RBMS3: variants seen among roughly 807,000 people sequenced by gnomAD.
The protein encoded by RBMS3 is RNA binding motif single stranded interacting protein 3, also known as RNA-binding motif, single-stranded-interacting protein 3.
Under a neutral mutation model 66.8 loss-of-function variants are expected in RBMS3, and 27 were observed. The ratio of observed to expected loss-of-function variants is 0.40; its 90% confidence interval spans 0.30 to 0.56. The LOEUF (loss-of-function observed/expected upper bound fraction) is 0.56. Ranked by LOEUF, RBMS3 falls within the 20% of genes least tolerant of loss-of-function variation. The pLI is 0.40. For synonymous variants in RBMS3, 188 were observed against 183.0 expected (o/e 1.03, Z -0.22); for missense variants, 513 against 549.5 (o/e 0.93, Z 0.66).
chr3:29,362,175 G>A (rs1273539239), intron 1 of RBMS3, among the ~76,000 whole-genome samples: 2 of 152,156 alleles, frequency 1.3e-5, no homozygotes, highest in African/African-American at 4.8e-5. Flanking sequence ...CCATCTTTGT[G>A]GTTTTATCTA....
At chr3:29,988,074 T>C (rs1698552860) in intron 12 of RBMS3, 69 bp from the exon 13 acceptor site, 2 of 1,255,808 alleles carry the variant, frequency 1.6e-6, no homozygotes, top group Non-Finnish European at 2.3e-6. Context: ...CAGTCTCCTG[T>C]GGTATTTAAT....
At chr3:29,621,869 A>T (rs1481264451) in intron 4 of RBMS3, among the ~76,000 whole-genome samples, 1 of 152,198 alleles carries the variant, frequency 6.6e-6, no homozygotes, top group Non-Finnish European at 1.5e-5. Flanking sequence ...CACTTTATGG[A>T]ATTAGCTCCA....
intron 1 of RBMS3, among the ~76,000 whole-genome samples, chr3:29,362,954 A>C (rs527737960): frequency 1.5e-4 from 23 of 152,330 alleles, no homozygotes; most frequent in Non-Finnish European, 2.4e-4. Flanking sequence ...ACAAATACAT[A>C]AATAGATGAT....
chr3:29,820,939 C>T (rs1171867889), intron 6 of RBMS3, among the ~76,000 whole-genome samples: 2 of 152,136 alleles, frequency 1.3e-5, no homozygotes, highest in East Asian at 3.9e-4. Flanking sequence ...ACCAACCTTG[C>T]TCCAGTTTCC....
intron 4 of RBMS3, among the ~76,000 whole-genome samples, chr3:29,617,290 T>A (rs1358358699): frequency 6.6e-6 from 1 of 152,214 alleles, no homozygotes; most frequent in Admixed American, 6.5e-5. Flanking sequence ...AAGATGATAT[T>A]GATATTGCAG....
At chr3:29,426,090 G>A (rs1294622610) in intron 1 of RBMS3, among the ~76,000 whole-genome samples, 1 of 152,144 alleles carries the variant, frequency 6.6e-6, no homozygotes, top group Non-Finnish European at 1.5e-5. Context: ...CAATATTGGA[G>A]TCCTAGCATT....
At chr3:29,634,943 G>GCTCTAACTAGAAGCATTCTGCAGAAGTA (rs2049421564) in intron 4 of RBMS3, among the ~76,000 whole-genome samples, 1 of 151,828 alleles carries the variant, frequency 6.6e-6, no homozygotes, top group Admixed American at 6.6e-5. Flanking sequence ...CCACAGAAGT[G>GCTCTAACTAGAAGCATTCTGCAGAAGTA]CTCTAACTAG....
chr3:29,385,004 C>G (rs561010047), intron 1 of RBMS3, among the ~76,000 whole-genome samples: 1 of 152,094 alleles, frequency 6.6e-6, no homozygotes, highest in South Asian at 2.1e-4. Flanking sequence ...TGTTGCCGAA[C>G]AAACCTCCTC....
chr3:29,612,149 T>C (rs1204336004), intron 4 of RBMS3, among the ~76,000 whole-genome samples: 1 of 152,078 alleles, frequency 6.6e-6, no homozygotes, highest in Non-Finnish European at 1.5e-5. Context: ...CGACCAAAGT[T>C]AACTATTGAT....
chr3:29,754,020 C>T (rs574276937), intron 5 of RBMS3, among the ~76,000 whole-genome samples: 21 of 151,768 alleles, frequency 1.4e-4, no homozygotes, highest in African/African-American at 5.1e-4. Flanking sequence ...TGCAGTGGCA[C>T]GATTTTGGCT....
intron 1 of RBMS3, among the ~76,000 whole-genome samples, chr3:29,354,340 G>A (rs1575599937): frequency 6.6e-6 from 1 of 151,966 alleles, no homozygotes; most frequent in East Asian, 1.9e-4. Flanking sequence ...TGCCATAATA[G>A]ACTTTTGTTC....
At chr3:29,837,631 GATATATATAATGAACAT>G (rs1559723784) in intron 6 of RBMS3, among the ~76,000 whole-genome samples, 13 of 115,730 alleles carry the variant, frequency 1.1e-4, no homozygotes, top group South Asian at 2.8e-4. Flanking sequence ...CAAATTAGCA[GATATATATAATGAACAT>G]ATATATATAA....
At chr3:29,798,929 G>GTT (rs368923260) in intron 6 of RBMS3, among the ~76,000 whole-genome samples, 7,742 of 127,602 alleles carry the variant, frequency 0.061, 547 homozygotes, top group African/African-American at 0.16. Flanking sequence ...GTACCCTCTG[G>GTT]TTTTTTTTTT....
In RBMS3 at chr3:29,336,789, A is replaced by T. The variant is rs553347637; in HGVS notation, c.75+55033A>T. ...GTAAATTGGTTAAACATTCCAACCC[A>T]GGCCTGACACTGCCTGCTTTGCCAT... On this transcript the variant is annotated intron_variant, in intron 1 of 14. Coordinates refer to ENST00000383767, the MANE Select transcript of RBMS3 (RefSeq NM_001003793.3). 6.4e-4 allele frequency among the ~76,000 whole-genome samples: 97 copies of T among 152,280 alleles called. No individual in the cohort carries two copies. The Middle Eastern group carries it at 0.01, about 16-fold the overall frequency.
At chr3:29,966,597 A>C (rs1696863588) in intron 12 of RBMS3, among the ~76,000 whole-genome samples, 1 of 152,174 alleles carries the variant, frequency 6.6e-6, no homozygotes, top group African/African-American at 2.4e-5. Flanking sequence ...TTTCTGGAGG[A>C]GTCCTTAGGG....
rs761742829 is a variant in RBMS3 at position 29,535,020 on chromosome 3, C to T, written c.307+46521C>T. Among the ~76,000 whole-genome samples the T allele has an allele frequency of 1.1e-3, 168 of 151,556 alleles. 1 individual carries two copies. In the Middle Eastern group the frequency reaches 0.014, roughly 13 times the overall value. ...TTATGGACACTGCTAAACTAAATACCAAAGGTGTATTTTATTCCTGTGAAT... is the reference window on the plus strand; with the variant it reads ...TTATGGACACTGCTAAACTAAATACTAAAGGTGTATTTTATTCCTGTGAAT... On this transcript the variant is annotated intron_variant, in intron 3 of 14. Transcript: ENST00000383767.
chr3:29,532,629 A>G (rs1033727119), intron 3 of RBMS3, among the ~76,000 whole-genome samples: 2 of 152,016 alleles, frequency 1.3e-5, no homozygotes, highest in Non-Finnish European at 2.9e-5. Context: ...ACTCAGGAGG[A>G]TGAGGCAGGG....
chr3:29,892,706 T>C (rs2060029911), intron 8 of RBMS3, among the ~76,000 whole-genome samples: 1 of 151,474 alleles, frequency 6.6e-6, no homozygotes. Flanking sequence ...ATGCATATAT[T>C]ACCAAATACA....
At chr3:29,505,570 A>G (rs2044153751) in intron 3 of RBMS3, among the ~76,000 whole-genome samples, 1 of 149,418 alleles carries the variant, frequency 6.7e-6, no homozygotes. Flanking sequence ...TTTGAGGAAT[A>G]CTGTGGTTCC....
Sources: gnomAD v4.1 joint callset for allele counts (sites outside exome capture counted in the v4.1 genomes callset) on GRCh38, gnomAD v4.1.1 for gene constraint, MANE v1.5 for transcripts, NCBI Gene and HGNC (gene_info 2026-07-23, HGNC 2026-07-21) for gene names.